The following ST14 variants were observed in gnomAD, a reference collection of about 807,000 sequenced individuals.
ST14 encodes suppressor of tumorigenicity 14 protein.
Under a neutral mutation model 96.5 loss-of-function variants are expected in ST14, and 40 were observed. The ratio of observed to expected loss-of-function variants is 0.41; its 90% CI spans 0.32 to 0.54. The LOEUF is 0.54. Among genes scored for constraint, ST14 ranks in the 20% least tolerant of loss-of-function variants. ST14 has a pLI of 0.17. For synonymous variants in ST14, 506 were observed against 492.1 expected (o/e 1.03, Z -0.37); for missense variants, 1,066 against 1,188.9 (o/e 0.90, Z 1.52).
chr11:130,161,841 TG>T (rs1953001095), intron 1 of ST14, among the ~76,000 whole-genome samples: 1 of 152,214 alleles, frequency 6.6e-6, no homozygotes, highest in Non-Finnish European at 1.5e-5. Context: ...AAGATGTGGT[TG>T]TTTCCTTTAA....
intron 1 of ST14, among the ~76,000 whole-genome samples, chr11:130,174,418 G>A (rs895794855): frequency 6.6e-6 from 1 of 151,606 alleles, no homozygotes; most frequent in African/African-American, 2.4e-5. Flanking sequence ...AAGTGTGGCA[G>A]AGCTGAATTT....
intron 1 of ST14, among the ~76,000 whole-genome samples, chr11:130,167,218 AT>A (rs916025717): frequency 7.2e-5 from 11 of 152,266 alleles, no homozygotes; most frequent in Non-Finnish European, 1.3e-4. Flanking sequence ...CTCAAAAAAA[AT>A]TTTTTTTAAT....
chr11:130,166,958 C>T (rs1214037654), intron 1 of ST14, among the ~76,000 whole-genome samples: 1 of 152,164 alleles, frequency 6.6e-6, no homozygotes, highest in African/African-American at 2.4e-5. Flanking sequence ...TGCCTGTAAT[C>T]CCAGCACTTT....
chr11:130,162,404 A>T (rs1302530238), intron 1 of ST14, among the ~76,000 whole-genome samples: 29 of 152,130 alleles, frequency 1.9e-4, no homozygotes, highest in Admixed American at 1.9e-3. Context: ...TGAGTATTTG[A>T]TGGTGAATAT....
In ST14 at chr11:130,198,345, G is replaced by C; in HGVS notation, c.1497G>C (p.Lys499Asn). ...DAGHQFTCKNKFCKPLFWVCD... is the reference protein window; with the variant it reads ...DAGHQFTCKNNFCKPLFWVCD... ...GCCACCAGTTCACGTGCAAGAACAA[G>C]TTCTGCAAGCCCCTCTTCTGGGTCT... The change falls in exon 13 of 19, where the codon AAG becomes AAC. Residue 499 changes from lysine (K) to asparagine (N), a missense_variant. Physicochemically the swap from Lys to Asn is moderately conservative, Grantham distance 94. Coordinates refer to ENST00000278742, the MANE Select transcript of ST14 (RefSeq NM_021978.4). The C allele has an allele frequency of 6.2e-7, 1 of 1,614,214 alleles. No homozygotes were observed. The highest frequency in any genetic ancestry group is 1.3e-5 in the African/African-American group (1 of 75,074).
Position 130,199,971 on chromosome 11 carries a change from A to T in ST14, c.1828A>T (p.Thr610Ser), listed in dbSNP as rs750345229. The change falls in exon 16 of 19, where the codon ACG (threonine) becomes TCG (serine). Residue 610 changes from threonine (T) to serine (S), a missense_variant. Physicochemically the swap from Thr to Ser is moderately conservative, Grantham distance 58 (BLOSUM62 1). Transcript: ENST00000278742. ...TGCAGACTGTGGGCTGCGGTCATTC[A>T]CGAGACAGGCTCGTGTTGTTGGGGG... ...KDCDCGLRSF[T>S]RQARVVGGTD... The T allele has an allele frequency of 1.2e-6, 2 of 1,614,168 alleles. No individual in the cohort carries two copies. Among genetic ancestry groups the T allele is most frequent in the South Asian group, 2.2e-5 (2 of 91,084 alleles).
Position 130,209,390 on chromosome 11 carries a change from AC to A in ST14, c.2270-51del, listed in dbSNP as rs1017716550. 182 of 1,553,984 alleles carry A rather than the reference AC, an allele frequency of 1.2e-4. No homozygotes were observed. In the African/African-American group the frequency reaches 2.4e-3, roughly 21 times the overall value. On this transcript the variant is annotated intron_variant, in intron 17 of 18. Coordinates refer to ENST00000278742, the MANE Select transcript of ST14 (RefSeq NM_021978.4). ...TGACCCGTGGGGAGCGTCTCGAATG[AC>A]GCTGCCCTCGAAGCAGCCCGGCTCT...
chr11:130,188,685 T>C lies in ST14; in HGVS notation c.369+28T>C, dbSNP rs778052241. On this transcript the variant is annotated intron_variant, in intron 3 of 18. Coordinates refer to ENST00000278742, the MANE Select transcript of ST14 (RefSeq NM_021978.4). The surrounding 1 kb of genome is among the most constrained non-coding windows in gnomAD (Gnocchi z 5.4). ...GAGTGCAGCCTGCCCAGAGTCCTGCTGGGCTGTGTGCGCTGGTGTCCCACC... is the reference window on the plus strand; with the variant it reads ...GAGTGCAGCCTGCCCAGAGTCCTGCCGGGCTGTGTGCGCTGGTGTCCCACC... 4.3e-6 allele frequency: 7 copies of C among 1,613,906 alleles called. No individual in the cohort carries two copies. Among genetic ancestry groups the C allele is most frequent in the Non-Finnish European group, 5.9e-6 (7 of 1,180,024 alleles).
intron 1 of ST14, among the ~76,000 whole-genome samples, chr11:130,173,431 G>A (rs7941955): frequency 0.13 from 19,671 of 151,938 alleles, 3,853 homozygotes; most frequent in African/African-American, 0.43. Flanking sequence ...TCCTGTCTCT[G>A]CTAAAAATAC....
intron 16 of ST14, among the ~76,000 whole-genome samples, chr11:130,206,289 G>C (rs556207504): frequency 2.0e-5 from 3 of 152,168 alleles, no homozygotes; most frequent in Admixed American, 6.5e-5. Flanking sequence ...GGGGCTGGTC[G>C]GGAGAGGAGG....
chr11:130,194,456 C>T (rs973534383), intron 8 of ST14, among the ~76,000 whole-genome samples, 168 bp downstream of exon 8: 13 of 152,236 alleles, frequency 8.5e-5, no homozygotes, highest in African/African-American at 2.9e-4. Context: ...TCTGGCCGAC[C>T]GCCTGGGTCA....
chr11:130,180,162 C>G (rs905118474), intron 1 of ST14, among the ~76,000 whole-genome samples: 1 of 152,230 alleles, frequency 6.6e-6, no homozygotes, highest in Non-Finnish European at 1.5e-5. Flanking sequence ...ATCCAGCCAC[C>G]CTGTCCTTGT....
chr11:130,196,849 A>G, intron 11 of ST14, 149 bp downstream of exon 11: 1 of 1,167,452 alleles, frequency 8.6e-7, no homozygotes, highest in Non-Finnish European at 1.2e-6. Flanking sequence ...TGGGAGGAAA[A>G]CACGCTACCT....
At chr11:130,204,487 G>A (rs1415439571) in intron 16 of ST14, among the ~76,000 whole-genome samples, 4 of 152,168 alleles carry the variant, frequency 2.6e-5, no homozygotes, top group Non-Finnish European at 4.4e-5. Flanking sequence ...TGGCCTTGGC[G>A]TGCGATTCCG....
rs754678787 is a variant in ST14 at position 130,198,938 on chromosome 11, C to T, written c.1685-9C>T. 15 of 1,613,836 alleles carry T rather than the reference C, an allele frequency of 9.3e-6. No individual in the cohort carries two copies. The East Asian group carries it at 1.6e-4, about 17-fold the overall frequency. On this transcript the variant is annotated splice_polypyrimidine_tract_variant and intron_variant, in intron 14 of 18. Coordinates refer to ENST00000278742, the MANE Select transcript of ST14 (RefSeq NM_021978.4). ...ATTGAGCCCCTCCCTTGTCCTCCTC[C>T]TTGAACAGTGAACGTCGTCACTTGT... is the stretch of plus-strand genomic sequence containing the variant.
In ST14 at chr11:130,197,873, C is replaced by T. The variant is rs764680421; in HGVS notation, c.1387C>T (p.Arg463Trp). ...GGGGCAGTTCACGTGCCGCACGGGG[C>T]GGTGTATCCGGAAGGAGCTGCGCTG... ...CPGQFTCRTG[R>W]CIRKELRCDG... Residue 463 changes from arginine to tryptophan, a missense_variant, in exon 12 of 19, where the codon CGG becomes TGG. Physicochemically the swap from Arg to Trp is moderately radical, Grantham distance 101. Transcript: ENST00000278742. 5.7e-6 allele frequency: 9 copies of T among 1,592,264 alleles called. No homozygotes were observed. Among genetic ancestry groups the T allele is most frequent in the Admixed American group, 1.7e-5 (1 of 58,398 alleles).
intron 1 of ST14, among the ~76,000 whole-genome samples, chr11:130,169,464 G>A (rs1033960907): frequency 1.3e-5 from 2 of 152,186 alleles, no homozygotes; most frequent in Non-Finnish European, 2.9e-5. Context: ...TGGAGCTGAA[G>A]GGGTGGGGGA....
chr11:130,197,707 CCCTGCCCTGGGCCACAGCA>C, intron 11 of ST14, 115 bp from the exon 12 acceptor site: 1 of 729,002 alleles, frequency 1.4e-6, no homozygotes, highest in East Asian at 2.7e-5. Context: ...CCTGGGTAAC[CCCTGCCCTGGGCCACAGCA>C]CCTGCCCTGC....
chr11:130,176,778 T>C (rs1461491644), intron 1 of ST14, among the ~76,000 whole-genome samples: 1 of 150,210 alleles, frequency 6.7e-6, no homozygotes, highest in Non-Finnish European at 1.5e-5. Flanking sequence ...TTTTTTCTTT[T>C]AGGGCTTAAC....
Sources: allele counts gnomAD v4.1 joint callset (sites outside exome capture counted in the v4.1 genomes callset), GRCh38; gene constraint gnomAD v4.1.1; non-coding constraint Gnocchi (gnomAD v3.1); transcripts MANE v1.5; gene names NCBI Gene and HGNC (gene_info 2026-07-23, HGNC 2026-07-21).